NEK11: variants seen among roughly 807,000 people sequenced by gnomAD.
NEK11 encodes serine/threonine-protein kinase Nek11.
Under a neutral mutation model 80.7 loss-of-function variants are expected in NEK11, and 72 were observed. That is an observed-to-expected ratio of 0.89 (90% confidence interval 0.74 to 1.08). NEK11 has a LOEUF of 1.08. Ranked by LOEUF, NEK11 falls within the 50% of genes least tolerant of loss-of-function variation. The probability of loss-of-function intolerance (pLI) is 0.00; values close to 1 mark genes in which losing one functional copy is unlikely to be tolerated. For synonymous variants in NEK11, 251 were observed against 260.7 expected (o/e 0.96, Z 0.36); for missense variants, 764 against 763.6 (o/e 1.00, Z -0.01).
At chr3:131,052,469 C>T (rs1246385256) in intron 3 of NEK11, among the ~76,000 whole-genome samples, 1 of 151,994 alleles carries the variant, frequency 6.6e-6, no homozygotes, top group Non-Finnish European at 1.5e-5. Context: ...TTGAATTTAT[C>T]CTTCTTTACT....
At chr3:131,320,200 A>T (rs545149270) in intron 17 of NEK11, among the ~76,000 whole-genome samples, 1 of 152,302 alleles carries the variant, frequency 6.6e-6, no homozygotes, top group South Asian at 2.1e-4. Flanking sequence ...ACACAGGTTT[A>T]TGCTTGGTTG....
At chr3:131,030,055 C>T (rs2064563626) in intron 3 of NEK11, among the ~76,000 whole-genome samples, 177 bp downstream of exon 3, 1 of 152,134 alleles carries the variant, frequency 6.6e-6, no homozygotes, top group Non-Finnish European at 1.5e-5. Context: ...GCCTGGCCAA[C>T]ATGGCAAAAC....
chr3:131,186,755 C>T (rs115971558), intron 14 of NEK11, among the ~76,000 whole-genome samples: 2,009 of 152,206 alleles, frequency 0.013, 39 homozygotes, highest in African/African-American at 0.045. Flanking sequence ...TTAGGCCAAA[C>T]TCAATAGATT....
chr3:131,114,136 A>G (rs561970843), intron 5 of NEK11, among the ~76,000 whole-genome samples: 1 of 152,214 alleles, frequency 6.6e-6, no homozygotes. Context: ...TTGTAAATGT[A>G]TAATCTATGT....
At chr3:131,150,892 CTG>C (rs2089516222) in intron 7 of NEK11, among the ~76,000 whole-genome samples, 2 of 151,930 alleles carry the variant, frequency 1.3e-5, no homozygotes, top group Admixed American at 6.6e-5. Flanking sequence ...AATGAAATCT[CTG>C]TTTTTGCTTG....
chr3:131,266,060 A>G (rs2096051433), intron 16 of NEK11, among the ~76,000 whole-genome samples: 1 of 152,096 alleles, frequency 6.6e-6, no homozygotes, highest in Non-Finnish European at 1.5e-5. Context: ...CAGTGGTGAT[A>G]TCCCCTTTAT....
At chr3:131,069,621 T>C (rs2072835857) in intron 3 of NEK11, among the ~76,000 whole-genome samples, 2 of 151,670 alleles carry the variant, frequency 1.3e-5, no homozygotes, top group African/African-American at 4.9e-5. Context: ...ATGTGGCACA[T>C]ATACACCATG....
intron 3 of NEK11, among the ~76,000 whole-genome samples, chr3:131,072,709 A>G (rs2073619801): frequency 6.6e-6 from 1 of 152,192 alleles, no homozygotes; most frequent in African/African-American, 2.4e-5. Context: ...AAGAAGTTCC[A>G]GAAAGCTGTC....
chr3:131,183,941 C>A (rs2093483706), intron 14 of NEK11, among the ~76,000 whole-genome samples: 1 of 152,170 alleles, frequency 6.6e-6, no homozygotes, highest in South Asian at 2.1e-4. Flanking sequence ...GCCTTGCCAG[C>A]ATCTGTTGTT....
chr3:131,260,567 T>C (rs189340401), intron 16 of NEK11, among the ~76,000 whole-genome samples: 2 of 152,306 alleles, frequency 1.3e-5, no homozygotes. Flanking sequence ...TTCATGCTAC[T>C]GAAGCAGACT....
At chr3:131,281,957 T>G (rs2096402411) in intron 17 of NEK11, among the ~76,000 whole-genome samples, 1 of 152,226 alleles carries the variant, frequency 6.6e-6, no homozygotes, top group South Asian at 2.1e-4. Flanking sequence ...GTGCACAAAA[T>G]GTCCCCACAT....
chr3:131,322,582 C>T (rs900545968), intron 17 of NEK11, among the ~76,000 whole-genome samples: 2 of 152,158 alleles, frequency 1.3e-5, no homozygotes, highest in Non-Finnish European at 2.9e-5. Flanking sequence ...CTGTGTTTCT[C>T]GAACTCTAAT....
chr3:131,044,347 G>C (rs753343252), intron 3 of NEK11, among the ~76,000 whole-genome samples: 3 of 135,222 alleles, frequency 2.2e-5, no homozygotes, highest in Non-Finnish European at 4.6e-5. Flanking sequence ...GTATTCAGGA[G>C]ACCCATCTCA....
At chr3:131,335,392 GA>G (rs1453160588) in intron 17 of NEK11, among the ~76,000 whole-genome samples, 1 of 152,224 alleles carries the variant, frequency 6.6e-6, no homozygotes, top group African/African-American at 2.4e-5. Flanking sequence ...AATAGATGCA[GA>G]AAAGGCCTTT....
At position 131,126,592 on chromosome 3, in the gene NEK11, T is replaced by C. The variant is rs559764336; in HGVS notation, c.456-6153T>C. On this transcript the variant is annotated intron_variant, in intron 5 of 17. Coordinates refer to ENST00000383366, the MANE Select transcript of NEK11 (RefSeq NM_024800.5). ...CTTTCCATGTAACAGACATTCTTATTAAGGTAATGTCTTTTCTTTCAGTTG... is the reference window on the plus strand; with the variant it reads ...CTTTCCATGTAACAGACATTCTTATCAAGGTAATGTCTTTTCTTTCAGTTG... Among the ~76,000 whole-genome samples, 105 of 152,360 alleles carry C rather than the reference T, an allele frequency of 6.9e-4. 2 individuals carry two copies. In the Middle Eastern group the frequency reaches 0.02, roughly 30 times the overall value.
chr3:131,065,134 G>A (rs375181777), intron 3 of NEK11, among the ~76,000 whole-genome samples: 1 of 152,194 alleles, frequency 6.6e-6, no homozygotes. Flanking sequence ...CATTAACAAT[G>A]AGTAGAAAGA....
intron 7 of NEK11, among the ~76,000 whole-genome samples, chr3:131,148,717 C>T (rs2149774815): frequency 6.9e-6 from 1 of 144,502 alleles, no homozygotes; most frequent in East Asian, 2.0e-4. Context: ...ATTTTAGGTT[C>T]AGGGGTACAT....
intron 3 of NEK11, among the ~76,000 whole-genome samples, chr3:131,049,065 T>C (rs1333276962): frequency 6.6e-6 from 1 of 152,264 alleles, no homozygotes; most frequent in East Asian, 1.9e-4. Context: ...TAGCCTTTTC[T>C]AATTAATAGT....
intron 14 of NEK11, 45 bp downstream of exon 14, chr3:131,170,932 C>T (rs1281978362): frequency 1.4e-6 from 2 of 1,437,398 alleles, no homozygotes; most frequent in Admixed American, 3.3e-5. Flanking sequence ...ACAGCTGCTG[C>T]ACAGGTTGCT....
Sources: gnomAD v4.1 joint callset for allele counts (sites outside exome capture counted in the v4.1 genomes callset) on GRCh38, gnomAD v4.1.1 for gene constraint, MANE v1.5 for transcripts, NCBI Gene and HGNC (gene_info 2026-07-23, HGNC 2026-07-21) for gene names.